Variants in RANBP2 observed in about 807,000 individuals in gnomAD.
RANBP2 encodes RAN binding protein 2.
In RANBP2, 57 loss-of-function variants were observed where a neutral mutation model predicts 303.6. That is an observed-to-expected ratio of 0.19 (90% CI 0.15 to 0.23). RANBP2 has a LOEUF of 0.23. Among genes scored for constraint, RANBP2 ranks in the 10% least tolerant of loss-of-function variants. RANBP2 has a pLI of 1.00. For synonymous variants in RANBP2, 1,167 were observed against 1,301.5 expected (o/e 0.90, Z 2.23); for missense variants, 3,138 against 3,780.8 (o/e 0.83, Z 4.46).
chr2:109,696,735 T>A, the RANBP2 span, among the ~76,000 whole-genome samples: 1 of 152,222 alleles, frequency 6.6e-6, no homozygotes, highest in Non-Finnish European at 1.5e-5. Context: ...ATATTAACAG[T>A]AGCGAGTATT....
At chr2:109,158,480 C>T in the RANBP2 span, among the ~76,000 whole-genome samples, 1 of 152,200 alleles carries the variant, frequency 6.6e-6, no homozygotes, top group Non-Finnish European at 1.5e-5. Flanking sequence ...CAAGGCTCAG[C>T]CACTTCATCC....
At chr2:108,908,530 G>T in the RANBP2 span, among the ~76,000 whole-genome samples, 86 of 152,202 alleles carry the variant, frequency 5.7e-4, no homozygotes, top group South Asian at 1.2e-3. Flanking sequence ...TTGACTAGGG[G>T]GGTGACCTGG....
chr2:109,261,589 G>A, the RANBP2 span, among the ~76,000 whole-genome samples: 4 of 152,184 alleles, frequency 2.6e-5, no homozygotes, highest in African/African-American at 9.7e-5. Flanking sequence ...GGTGTGCCCA[G>A]AAAGAAGTGG....
At chr2:109,728,050 C>T in the RANBP2 span, among the ~76,000 whole-genome samples, 6 of 152,130 alleles carry the variant, frequency 3.9e-5, no homozygotes, top group African/African-American at 1.2e-4. Context: ...ACCTACCATG[C>T]GAGTATGTCT....
the RANBP2 span, among the ~76,000 whole-genome samples, chr2:108,957,488 C>A: frequency 6.6e-6 from 1 of 152,292 alleles, no homozygotes; most frequent in South Asian, 2.1e-4. Flanking sequence ...TCATGGAGGC[C>A]CCCCAGGGGG....
the RANBP2 span, among the ~76,000 whole-genome samples, chr2:109,546,883 G>C: frequency 3.9e-5 from 6 of 152,080 alleles, no homozygotes; most frequent in Admixed American, 3.9e-4. Flanking sequence ...AGCCAATAAA[G>C]ATAAAGAATA....
At chr2:109,153,399 C>T in the RANBP2 span, among the ~76,000 whole-genome samples, 201 of 152,246 alleles carry the variant, frequency 1.3e-3, no homozygotes, top group African/African-American at 4.4e-3. Flanking sequence ...AAGGCAATTA[C>T]GCTGATTTTG....
At chr2:109,543,941 A>C in the RANBP2 span, 1 of 557,606 alleles carries the variant, frequency 1.8e-6, no homozygotes, top group Non-Finnish European at 3.1e-6. Flanking sequence ...ATATAGCCTG[A>C]AAGTAATTTA....
the RANBP2 span, among the ~76,000 whole-genome samples, chr2:109,087,598 C>G: frequency 6.6e-6 from 1 of 152,180 alleles, no homozygotes; most frequent in East Asian, 1.9e-4. Flanking sequence ...GGGTTCAAGT[C>G]CTCCTGCTAA....
the RANBP2 span, among the ~76,000 whole-genome samples, chr2:109,742,799 A>G: frequency 1.3e-5 from 2 of 148,334 alleles, no homozygotes; most frequent in African/African-American, 5.1e-5. Context: ...AAGTGAGAAC[A>G]TAACGCTAGA....
At chr2:109,257,731 A>C in the RANBP2 span, among the ~76,000 whole-genome samples, 1 of 152,288 alleles carries the variant, frequency 6.6e-6, no homozygotes, top group Non-Finnish European at 1.5e-5. Flanking sequence ...TCCCTGTCTC[A>C]GTGTCCAAAA....
chr2:109,567,428 A>G, the RANBP2 span, among the ~76,000 whole-genome samples: 1 of 152,238 alleles, frequency 6.6e-6, no homozygotes, highest in Non-Finnish European at 1.5e-5. Flanking sequence ...TAGTTTTAAG[A>G]GACCTCCTTA....
intron 23 of RANBP2, 97 bp downstream of exon 23, chr2:108,773,143 A>C: frequency 7.5e-7 from 1 of 1,331,224 alleles, no homozygotes. Flanking sequence ...TTGAGACAGA[A>C]TTTTACTCTT....
the RANBP2 span, among the ~76,000 whole-genome samples, chr2:109,346,376 A>G: frequency 1.3e-5 from 2 of 152,222 alleles, no homozygotes; most frequent in African/African-American, 4.8e-5. Context: ...TTTTCGATGT[A>G]CTACTGCTTC....
the RANBP2 span, among the ~76,000 whole-genome samples, chr2:108,985,490 C>G: frequency 2.0e-5 from 3 of 152,204 alleles, no homozygotes; most frequent in Admixed American, 6.5e-5. Context: ...CACCTGTTTT[C>G]CATAGTCCTC....
chr2:109,691,456 G>C, the RANBP2 span, among the ~76,000 whole-genome samples: 3 of 152,160 alleles, frequency 2.0e-5, no homozygotes, highest in Non-Finnish European at 2.9e-5. Context: ...CTAGGGCTCT[G>C]TTCTGAGCTG....
chr2:108,999,550 G>A, the RANBP2 span, among the ~76,000 whole-genome samples: 2 of 152,132 alleles, frequency 1.3e-5, no homozygotes, highest in African/African-American at 2.4e-5. Flanking sequence ...GCTGCTAAAC[G>A]GACTTTTAAA....
chr2:109,016,161 A>C, the RANBP2 span, among the ~76,000 whole-genome samples: 1 of 152,110 alleles, frequency 6.6e-6, no homozygotes, highest in Non-Finnish European at 1.5e-5. Flanking sequence ...GGCTTACTGC[A>C]AGCTCCGCCT....
chr2:109,090,333 CACA>C, the RANBP2 span, among the ~76,000 whole-genome samples: 142 of 142,986 alleles, frequency 9.9e-4, no homozygotes, highest in African/African-American at 3.2e-3. Flanking sequence ...CACACACACA[CACA>C]CACACACACA....
Sources: allele counts gnomAD v4.1 joint callset (sites outside exome capture counted in the v4.1 genomes callset), GRCh38; gene constraint gnomAD v4.1.1; transcripts MANE v1.5; gene names NCBI Gene and HGNC (gene_info 2026-07-23, HGNC 2026-07-21).